Variants in NELL2 observed in about 807,000 individuals in gnomAD.
NELL2 encodes protein kinase C-binding protein NELL2.
A neutral mutation model predicts 109.6 loss-of-function variants in NELL2; 41 were observed. The ratio of observed to expected loss-of-function variants is 0.37; its 90% CI spans 0.29 to 0.49. The LOEUF (loss-of-function observed/expected upper bound fraction) is 0.49, where lower values mean the gene tolerates loss of function less well. Ranked by LOEUF, NELL2 falls within the 20% of genes least tolerant of loss-of-function variation. NELL2 has a pLI of 0.98. For synonymous variants in NELL2, 355 were observed against 344.7 expected, an observed-to-expected ratio of 1.03 and a Z score of -0.33; for missense variants, 900 against 1,008.3, an observed-to-expected ratio of 0.89 and a Z score of 1.45.
At chr12:44,905,655 G>A (rs76084155) in intron 1 of NELL2, among the ~76,000 whole-genome samples, 1,602 of 152,122 alleles carry the variant, frequency 0.011, 31 homozygotes, top group East Asian at 0.048. Flanking sequence ...TATTTTTTAA[G>A]ATACACTGAA....
At chr12:44,511,012 A>G (rs1418712936) in intron 19 of NELL2, among the ~76,000 whole-genome samples, 1 of 152,208 alleles carries the variant, frequency 6.6e-6, no homozygotes, top group Non-Finnish European at 1.5e-5. Flanking sequence ...TAATTAGGGA[A>G]TTTCTGGAGC....
At chr12:44,918,028 CT>C (rs1379702475), upstream of NELL2, among the ~76,000 whole-genome samples, 4 of 152,202 alleles carry the variant, frequency 2.6e-5, no homozygotes, top group African/African-American at 9.6e-5. Flanking sequence ...GTCCTTTCCT[CT>C]TGAAAATAAT....
intron 3 of NELL2, among the ~76,000 whole-genome samples, chr12:44,807,776 T>C (rs1296625462): frequency 6.6e-6 from 1 of 151,998 alleles, no homozygotes; most frequent in Admixed American, 6.6e-5. Context: ...TCCTGCCATT[T>C]ATAAAGAAAT....
chr12:44,906,904 G>T (rs1945725279), intron 1 of NELL2, among the ~76,000 whole-genome samples: 1 of 152,052 alleles, frequency 6.6e-6, no homozygotes. Flanking sequence ...AATATAGTTT[G>T]CCTGTGTTCC....
intron 13 of NELL2, among the ~76,000 whole-genome samples, chr12:44,653,449 G>A (rs372496411): frequency 2.3e-4 from 35 of 152,284 alleles, no homozygotes; most frequent in African/African-American, 7.2e-4. Context: ...GAAAGATCAC[G>A]ATTTGATTTG....
intron 3 of NELL2, chr12:44,815,767 C>T (rs557505360): frequency 3.9e-4 from 157 of 401,224 alleles, no homozygotes; most frequent in African/African-American, 3.1e-3. Context: ...TACAGGCGCG[C>T]GCCACCAAGC....
chr12:44,717,240 A>G (rs1425456700), intron 9 of NELL2, among the ~76,000 whole-genome samples: 1 of 152,162 alleles, frequency 6.6e-6, no homozygotes, highest in Non-Finnish European at 1.5e-5. Context: ...AATGATTCCT[A>G]AAAACACTGC....
rs185713545 is a variant in NELL2, at chr12:44,555,986, T to A, written c.1664-23265A>T. On this transcript the variant is annotated intron_variant, in intron 15 of 19. Transcript: ENST00000429094. ...AGGTGCATGCTGCCTTCAGGTCCAC[T>A]CTGTCGAGCACAGCAGTTAGAAAGC... Among the ~76,000 whole-genome samples the A allele has an allele frequency of 2.0e-5, 3 of 152,296 alleles. No individual in the cohort carries two copies. The East Asian group carries it at 5.8e-4, about 29-fold the overall frequency.
intron 15 of NELL2, among the ~76,000 whole-genome samples, chr12:44,543,215 C>A (rs1422162018): frequency 6.6e-6 from 1 of 151,988 alleles, no homozygotes; most frequent in Non-Finnish European, 1.5e-5. Flanking sequence ...AATGGCAATA[C>A]CATCAGTTAC....
At chr12:44,530,114 T>C (rs1941973220) in intron 16 of NELL2, among the ~76,000 whole-genome samples, 2 of 152,032 alleles carry the variant, frequency 1.3e-5, no homozygotes, top group South Asian at 2.1e-4. Context: ...TGATTTTTGA[T>C]AGGAGCAGGG....
chr12:44,677,062 CA>C (rs761519132), intron 12 of NELL2, among the ~76,000 whole-genome samples: 11 of 152,030 alleles, frequency 7.2e-5, no homozygotes, highest in Non-Finnish European at 1.5e-4. Flanking sequence ...GTCTTACAAA[CA>C]GGGAGAAATT....
At chr12:44,540,322 C>T (rs951700951) in intron 15 of NELL2, among the ~76,000 whole-genome samples, 10 of 151,960 alleles carry the variant, frequency 6.6e-5, no homozygotes, top group Non-Finnish European at 7.4e-5. Flanking sequence ...TTTGTATTTT[C>T]TTGGAAAATA....
At chr12:44,518,329 C>T (rs1001653700) in intron 19 of NELL2, among the ~76,000 whole-genome samples, 2 of 151,828 alleles carry the variant, frequency 1.3e-5, no homozygotes, top group African/African-American at 4.8e-5. Flanking sequence ...ACTGCAAGCT[C>T]CACCTCCCGG....
At chr12:44,634,968 T>C (rs1946581446) in intron 13 of NELL2, among the ~76,000 whole-genome samples, 1 of 152,174 alleles carries the variant, frequency 6.6e-6, no homozygotes, top group Non-Finnish European at 1.5e-5. Context: ...TTTTTAATGA[T>C]CACCATTGTA....
upstream of NELL2, among the ~76,000 whole-genome samples, chr12:44,878,252 G>T (rs1945371661): frequency 6.6e-6 from 1 of 151,992 alleles, no homozygotes. Flanking sequence ...AGTGGTATTT[G>T]GTACCCAAAA....
chr12:44,773,511 G>T (rs561351423), intron 9 of NELL2, among the ~76,000 whole-genome samples: 55 of 152,120 alleles, frequency 3.6e-4, no homozygotes, highest in African/African-American at 1.3e-3. Flanking sequence ...CAAAAAGTAT[G>T]ATTCCTTGCT....
At chr12:44,779,571 A>G in intron 5 of NELL2, 92 bp downstream of exon 5, 1 of 975,954 alleles carries the variant, frequency 1.0e-6, no homozygotes, top group Non-Finnish European at 1.5e-6. Context: ...AAATCAAATT[A>G]TTTTGTTTCA....
chr12:44,641,177 T>C (rs1430595157), intron 13 of NELL2, among the ~76,000 whole-genome samples: 1 of 152,166 alleles, frequency 6.6e-6, no homozygotes, highest in Non-Finnish European at 1.5e-5. Flanking sequence ...ATTAGTGGCA[T>C]ACTGCTAAGG....
intron 11 of NELL2, among the ~76,000 whole-genome samples, chr12:44,704,358 A>G (rs1937735548): frequency 6.6e-6 from 1 of 152,152 alleles, no homozygotes; most frequent in Non-Finnish European, 1.5e-5. Flanking sequence ...AAAGATGAAT[A>G]TTAAATCACT....
Sources: allele counts gnomAD v4.1 joint callset (sites outside exome capture counted in the v4.1 genomes callset), GRCh38; gene constraint gnomAD v4.1.1; transcripts MANE v1.5; gene names NCBI Gene and HGNC (gene_info 2026-07-23, HGNC 2026-07-21).